The following VAV3 variants were observed in gnomAD, a reference collection of about 807,000 sequenced individuals.
VAV3 encodes the protein guanine nucleotide exchange factor VAV3.
A neutral mutation model predicts 131.2 loss-of-function variants in VAV3; 94 were observed. The ratio of observed to expected loss-of-function variants is 0.72; its 90% CI spans 0.61 to 0.85. VAV3 has a LOEUF of 0.85. Ranked by LOEUF, VAV3 falls within the 40% of genes least tolerant of loss-of-function variation. The pLI, the probability that VAV3 is intolerant of heterozygous loss-of-function variation, is 0.00. For missense variants in VAV3, 939 were observed against 1,002.7 expected (o/e 0.94, Z 0.86); for synonymous variants, 349 against 342.0 (o/e 1.02, Z -0.22).
intron 1 of VAV3, chr1:107,964,353 G>A (rs959262364): frequency 7.9e-6 from 2 of 253,500 alleles, no homozygotes; most frequent in Non-Finnish European, 1.5e-5. Context: ...AATTCCCTTT[G>A]TCGCGCCACA....
chr1:107,794,839 T>C (rs1441666850), intron 2 of VAV3, among the ~76,000 whole-genome samples: 7 of 152,154 alleles, frequency 4.6e-5, no homozygotes, highest in African/African-American at 1.7e-4. Context: ...ACAGAGAAAA[T>C]AATCCTCTCA....
chr1:107,744,479 C>T (rs1228473635), intron 15 of VAV3, among the ~76,000 whole-genome samples: 3 of 152,088 alleles, frequency 2.0e-5, no homozygotes, highest in Non-Finnish European at 4.4e-5. Flanking sequence ...CTTTCATTTC[C>T]CTTCAAAAAA....
chr1:107,716,315 G>A (rs1040586900), intron 15 of VAV3, among the ~76,000 whole-genome samples: 3 of 152,178 alleles, frequency 2.0e-5, no homozygotes, highest in African/African-American at 7.2e-5. Flanking sequence ...CAAACAGCCA[G>A]CCAGTAAAGA....
At chr1:107,851,115 T>C (rs1201494070) in intron 2 of VAV3, among the ~76,000 whole-genome samples, 2 of 141,186 alleles carry the variant, frequency 1.4e-5, no homozygotes, top group Non-Finnish European at 3.0e-5. Context: ...GAGCTTGCAG[T>C]GAGCCGGGAT....
At chr1:107,688,647 C>CT (rs1659202836) in intron 17 of VAV3, 3 of 1,031,526 alleles carry the variant, frequency 2.9e-6, no homozygotes, top group Non-Finnish European at 3.9e-6. Context: ...TTATGCTTAA[C>CT]TTTTTCCATT....
At chr1:107,914,123 T>C (rs1341765869) in intron 1 of VAV3, among the ~76,000 whole-genome samples, 1 of 152,194 alleles carries the variant, frequency 6.6e-6, no homozygotes, top group African/African-American at 2.4e-5. Flanking sequence ...TCTTATTGTT[T>C]ATATACAAAC....
chr1:107,609,903 T>A (rs1206252421), intron 22 of VAV3, 28 bp downstream of exon 22: 1 of 1,609,774 alleles, frequency 6.2e-7, no homozygotes, highest in East Asian at 2.2e-5. Flanking sequence ...TATTTCAACC[T>A]AGCTACATAA....
chr1:107,699,590 A>G (rs1232076838), intron 17 of VAV3, among the ~76,000 whole-genome samples: 1 of 152,012 alleles, frequency 6.6e-6, no homozygotes, highest in Non-Finnish European at 1.5e-5. Context: ...GGGAGCTCCA[A>G]CCCCACATTT....
intron 19 of VAV3, among the ~76,000 whole-genome samples, chr1:107,676,950 TCAAAGG>T: frequency 1.3e-5 from 2 of 152,206 alleles, no homozygotes; most frequent in Middle Eastern, 6.8e-3. Flanking sequence ...TCCAAGTTCC[TCAAAGG>T]CAGAGGAACT....
intron 2 of VAV3, among the ~76,000 whole-genome samples, chr1:107,818,288 A>G (rs1667644541): frequency 6.6e-6 from 1 of 152,170 alleles, no homozygotes; most frequent in African/African-American, 2.4e-5. Flanking sequence ...ATACTAATCA[A>G]TCAGTATCCA....
At chr1:107,955,558 A>G (rs941890241) in intron 1 of VAV3, among the ~76,000 whole-genome samples, 2 of 152,174 alleles carry the variant, frequency 1.3e-5, no homozygotes, top group Admixed American at 6.5e-5. Flanking sequence ...TCTACCAGAC[A>G]CTGTGGCACA....
At chr1:107,775,202 T>C (rs183411630) in intron 4 of VAV3, among the ~76,000 whole-genome samples, 2 of 111,420 alleles carry the variant, frequency 1.8e-5, no homozygotes, top group African/African-American at 6.6e-5. Context: ...TATCCTGACA[T>C]CATGTCTGCC....
intron 11 of VAV3, 88 bp from the exon 12 acceptor site, chr1:107,755,601 A>T: frequency 2.2e-6 from 2 of 901,498 alleles, no homozygotes; most frequent in Non-Finnish European, 3.5e-6. Context: ...CATTAATTCC[A>T]TTAGTGGTAA....
intron 10 of VAV3, among the ~76,000 whole-genome samples, chr1:107,759,097 T>G (rs947114389): frequency 7.9e-5 from 12 of 152,204 alleles, no homozygotes; most frequent in Admixed American, 2.6e-4. Context: ...CCTATCATAT[T>G]GTGTTATACT....
At chr1:107,698,956 T>C (rs1176162061) in intron 17 of VAV3, among the ~76,000 whole-genome samples, 3 of 152,108 alleles carry the variant, frequency 2.0e-5, no homozygotes, top group African/African-American at 7.2e-5. Context: ...TCCCTTGATA[T>C]GTGGGGATTA....
At chr1:107,893,583 G>T (rs138144865) in intron 1 of VAV3, among the ~76,000 whole-genome samples, 87 of 152,152 alleles carry the variant, frequency 5.7e-4, no homozygotes, top group African/African-American at 1.9e-3. Flanking sequence ...GGCAAAAAAA[G>T]CTTCCGGAGG....
chr1:107,680,317 TAAC>T (rs1658513205), intron 19 of VAV3, among the ~76,000 whole-genome samples: 1 of 152,006 alleles, frequency 6.6e-6, no homozygotes, highest in Admixed American at 6.6e-5. Context: ...TAAGGGGGAA[TAAC>T]AACAAATCTG....
intron 19 of VAV3, among the ~76,000 whole-genome samples, chr1:107,664,483 T>C (rs1323871343): frequency 1.3e-5 from 2 of 152,190 alleles, no homozygotes; most frequent in Non-Finnish European, 2.9e-5. Flanking sequence ...TTTCAAAGTA[T>C]AAGAAGCAGC....
chr1:107,694,680 T>A (rs1471692207), intron 17 of VAV3, among the ~76,000 whole-genome samples: 1 of 152,136 alleles, frequency 6.6e-6, no homozygotes, highest in Non-Finnish European at 1.5e-5. Flanking sequence ...CCCTGCACTC[T>A]CCTGTTTCTG....
Sources: gnomAD v4.1 joint callset for allele counts (sites outside exome capture counted in the v4.1 genomes callset) on GRCh38, gnomAD v4.1.1 for gene constraint, MANE v1.5 for transcripts, NCBI Gene and HGNC (gene_info 2026-07-23, HGNC 2026-07-21) for gene names.